The following PARP3 variants were observed in gnomAD, a reference collection of about 807,000 sequenced individuals.
The protein encoded by PARP3 is protein mono-ADP-ribosyltransferase PARP3.
A neutral mutation model predicts 58.2 loss-of-function variants in PARP3; 46 were observed. That is an observed-to-expected ratio of 0.79 (90% CI 0.62 to 1.01). The LOEUF is 1.01. Among genes scored for constraint, PARP3 ranks in the 50% least tolerant of loss-of-function variants. The pLI is 0.00. For missense variants in PARP3, 663 were observed against 683.9 expected, an observed-to-expected ratio of 0.97 and a Z score of 0.34; for synonymous variants, 252 against 266.4, an observed-to-expected ratio of 0.95 and a Z score of 0.53.
In PARP3 at chr3:51,948,314, C is replaced by T. The variant is rs751839575; in HGVS notation, c.1436C>T (p.Pro479Leu). ...VIARGHTEPD[P>L]TQDTELELDG... is the part of the protein sequence containing the mutation. ...TGGCCCTTGCTGTGCCCTGCAGATCCGACCCAGGACACTGAGTTGGAGCTG... is the reference window on the plus strand; with the variant it reads ...TGGCCCTTGCTGTGCCCTGCAGATCTGACCCAGGACACTGAGTTGGAGCTG... Residue 479 changes from proline to leucine, a missense_variant, in exon 11 of 11, where the codon CCG becomes CTG. By Grantham distance (98) the Pro-to-Leu change is moderately conservative (BLOSUM62 -3). This residue lies in a region of PARP3 where 88 missense variants were observed against 109.1 expected (regional missense o/e 0.81). Transcript: ENST00000398755. The T allele has an allele frequency of 2.2e-5, 35 of 1,613,016 alleles. No individual in the cohort carries two copies. The highest frequency in any genetic ancestry group is 5.3e-5 in the African/African-American group (4 of 74,930).
In PARP3 at chr3:51,946,500, G is replaced by A. The variant is rs534082739; in HGVS notation, c.1276+157G>A. 2.0e-4 allele frequency among the ~76,000 whole-genome samples: 31 copies of A among 152,244 alleles called. No homozygotes were observed. The highest frequency in any genetic ancestry group is 5.5e-4 in the African/African-American group (23 of 41,554). On this transcript the variant is annotated intron_variant, in intron 9 of 10. Transcript: ENST00000398755. The surrounding 1 kb of genome is among the most constrained non-coding windows in gnomAD (Gnocchi z 4.6). ...GTGGGCTGTCCTGGGCTTTGGTGGCGGGGGGTCTTAGAGAAAGTGTCTGAT... is the reference window on the plus strand; with the variant it reads ...GTGGGCTGTCCTGGGCTTTGGTGGCAGGGGGTCTTAGAGAAAGTGTCTGAT...
chr3:51,943,115 A>G (rs1255247702), intron 1 of PARP3: 1 of 1,145,548 alleles, frequency 8.7e-7, no homozygotes, highest in Admixed American at 3.0e-5. Flanking sequence ...ACAGAGTCCT[A>G]ACCTTGCACT....
At position 51,944,281 on chromosome 3, in the gene PARP3, TG is replaced by T. The variant is rs1051689448; in HGVS notation, c.312+71del. 3.5e-5 allele frequency: 56 copies of T among 1,608,466 alleles called. No individual in the cohort carries two copies. Among genetic ancestry groups the T allele is most frequent in the Non-Finnish European group, 4.4e-5 (52 of 1,176,790 alleles). On this transcript the variant is annotated intron_variant, in intron 3 of 10. Coordinates refer to ENST00000398755, the MANE Select transcript of PARP3 (RefSeq NM_001003931.4). The surrounding 1 kb of genome is among the most constrained non-coding windows in gnomAD (Gnocchi z 4.2). The stretch of plus-strand genomic sequence containing the variant: ...CCTCAAAAGGCCACAGCTACTGACT[TG>T]GGGGGGCACCTCCCAACTGTCCCAG...
Position 51,944,800 on chromosome 3 carries a change from CTG to C in PARP3, c.527_528del (p.Val176AspfsTer2). The C allele has an allele frequency of 1.2e-6, 2 of 1,612,896 alleles. No homozygotes were observed. Among genetic ancestry groups the C allele is most frequent in the South Asian group, 1.1e-5 (1 of 90,916 alleles). ...CAGGTGGACAGAGGCCCAGTGAGGA[CTG>C]TGACTAAGCGGGTGCAGCCCTGCTC... is the stretch of plus-strand genomic sequence containing the variant. On this transcript the variant is annotated frameshift_variant, in exon 5 of 11. Transcript: ENST00000398755. LOFTEE classifies it high-confidence loss of function. This position sits in a 1 kb window ranked among gnomAD's most constrained non-coding sequence, Gnocchi z 4.2.
In PARP3 at chr3:51,944,257, C is replaced by G; in HGVS notation, c.312+40C>G. On this transcript the variant is annotated intron_variant, in intron 3 of 10. Coordinates refer to ENST00000398755, the MANE Select transcript of PARP3 (RefSeq NM_001003931.4). The surrounding 1 kb of genome is among the most constrained non-coding windows in gnomAD (Gnocchi z 4.2). ...TGCTCTGCACATACTCCCCAGGGTCCTCAAAAGGCCACAGCTACTGACTTG... is the reference window on the plus strand; with the variant it reads ...TGCTCTGCACATACTCCCCAGGGTCGTCAAAAGGCCACAGCTACTGACTTG... 1 of 1,612,748 alleles carries G rather than the reference C, an allele frequency of 6.2e-7. No homozygotes were observed. Among genetic ancestry groups the G allele is most frequent in the East Asian group, 2.2e-5 (1 of 44,864 alleles).
rs1257604696 is a variant in PARP3 at position 51,948,827 on chromosome 3, A to AC, written c.*350dup. The AC allele has an allele frequency of 1.4e-5, 4 of 285,372 alleles. No individual in the cohort carries two copies. Among genetic ancestry groups the AC allele is most frequent in the African/African-American group, 2.1e-5 (1 of 46,544 alleles). The allele number at this position is 285,372 out of a possible 1,614,324, so 17.7% of individuals were successfully genotyped here. On this transcript the variant is annotated 3_prime_UTR_variant, in exon 11 of 11. Coordinates refer to ENST00000398755, the MANE Select transcript of PARP3 (RefSeq NM_001003931.4). ...ACTCAGCATAATGTGCACCGGGTTC[A>AC]CCCATGTTTTCATAAATGACAAGAT...
At chr3:51,947,671 A>G (rs1226610214) in intron 9 of PARP3, 69 bp from the exon 10 acceptor site, 1 of 1,553,086 alleles carries the variant, frequency 6.4e-7, no homozygotes. Flanking sequence ...ACATCGCAGC[A>G]GAGAGGGGCC....
rs374240178 is a variant in PARP3, at chr3:51,943,460, C to G, written c.105C>G (p.Ala35=). 16 of 1,609,826 alleles carry G rather than the reference C, an allele frequency of 9.9e-6. No homozygotes were observed. Among genetic ancestry groups the G allele is most frequent in the Non-Finnish European group, 1.3e-5 (15 of 1,178,736 alleles). ...EEDPFRSTAE[A]LKAIPAEKRI... ...ACCCCTTCCGCTCCACCGCTGAGGC[C>G]CTCAAGGCCATACCCGCAGAGAAGC... The change falls in exon 2 of 11, where the codon GCC becomes GCG. Residue 35 remains alanine, a synonymous_variant. Transcript: ENST00000398755.
chr3:51,944,113 C>G lies in PARP3; in HGVS notation c.208C>G (p.Leu70Val). The change falls in exon 3 of 11, where the codon CTG becomes GTG. Residue 70 changes from leucine (L) to valine (V), a missense_variant. Leu to Val is a conservative substitution (Grantham distance 32). Transcript: ENST00000398755. This position sits in a 1 kb window ranked among gnomAD's most constrained non-coding sequence, Gnocchi z 4.2. ...TQVYEDYNCT[L>V]NQTNIENNNN... ...GGTGTATGAGGACTACAACTGCACC[C>G]TGAACCAGACCAACATCGAGAACAA... The G allele has an allele frequency of 1.2e-6, 2 of 1,613,992 alleles. No individual in the cohort carries two copies. The highest frequency in any genetic ancestry group is 1.7e-6 in the Non-Finnish European group (2 of 1,179,978).
rs774210062 is a variant in PARP3 at position 51,945,553 on chromosome 3, C to T, written c.920C>T (p.Thr307Met). ...ALQAVSEQEK[T>M]VEEVPHPLDR... ...CAGGCAGTCTCTGAGCAGGAGAAGA[C>T]GGTGGAGGAGGTGCCACACCCCCTG... The change falls in exon 7 of 11, where the codon ACG becomes ATG. Residue 307 changes from threonine (T) to methionine (M), a missense_variant. By Grantham distance (81) the Thr-to-Met change is moderately conservative (BLOSUM62 -1). Around this residue, in one of 3 missense-constraint regions of PARP3, gnomAD observed 567 missense variants for 553.6 expected, o/e 1.02. Coordinates refer to ENST00000398755, the MANE Select transcript of PARP3 (RefSeq NM_001003931.4). The T allele has an allele frequency of 4.3e-5, 69 of 1,613,772 alleles. 1 individual carries two copies. Among genetic ancestry groups the T allele is most frequent in the Middle Eastern group, 3.3e-4 (2 of 6,078 alleles).
At chr3:51,943,653 C>T (rs1699598034) in intron 2 of PARP3, 115 bp downstream of exon 2, 8 of 981,434 alleles carry the variant, frequency 8.2e-6, no homozygotes, top group South Asian at 1.5e-5. Flanking sequence ...CCCAGGTAAG[C>T]GCCAGAGCAA....
At position 51,946,840 on chromosome 3, in the gene PARP3, C is replaced by T. The variant is rs1699688944; in HGVS notation, c.1276+497C>T. Among the ~76,000 whole-genome samples the T allele has an allele frequency of 6.6e-6, 1 of 152,216 alleles. No individual in the cohort carries two copies. The highest frequency in any genetic ancestry group is 1.5e-5 in the Non-Finnish European group (1 of 68,038). ...GTGAGGATGTGGCAGGTCAGGGCTT[C>T]CAAACACTTCCTGATACTGGAGCTC... is the stretch of plus-strand genomic sequence containing the variant. On this transcript the variant is annotated intron_variant, in intron 9 of 10. Coordinates refer to ENST00000398755, the MANE Select transcript of PARP3 (RefSeq NM_001003931.4). This position sits in a 1 kb window ranked among gnomAD's most constrained non-coding sequence, Gnocchi z 4.6.
In PARP3 at chr3:51,942,422, C is replaced by T; in HGVS notation, c.-289C>T. 1.7e-6 allele frequency: 1 copy of T among 579,792 alleles called. No individual in the cohort carries two copies. The highest frequency in any genetic ancestry group is 1.9e-5 in the South Asian group (1 of 52,522). 35.9% of individuals were successfully genotyped at this position (579,792 alleles called of 1,614,324 possible). ...GGCCACATGAGCAGCGCTACGGACG[C>T]GACTGCCCCGGCCTTGGATATGCCA... On this transcript the variant is annotated 5_prime_UTR_variant, in exon 1 of 11. Coordinates refer to ENST00000398755, the MANE Select transcript of PARP3 (RefSeq NM_001003931.4).
In PARP3 at chr3:51,945,768, G is replaced by A. The variant is rs1329154960; in HGVS notation, c.1012-85G>A. 7 of 1,520,434 alleles carry A rather than the reference G, an allele frequency of 4.6e-6. No homozygotes were observed. In the African/African-American group the frequency reaches 9.6e-5, roughly 21 times the overall value. The allele number at this position is 1,520,434 out of a possible 1,614,324, so 94.2% of individuals were successfully genotyped here. On this transcript the variant is annotated intron_variant, in intron 7 of 10. Coordinates refer to ENST00000398755, the MANE Select transcript of PARP3 (RefSeq NM_001003931.4). ...CTCTTCCTGTGTCTCCAGGGCCTGA[G>A]GAGGGCTTGGGACTGGGGGAAGAAA...
Position 51,948,362 on chromosome 3 carries a change from C to A in PARP3, c.1484C>A (p.Pro495His). The change falls in exon 11 of 11, where the codon CCC (proline) becomes CAC (histidine). Residue 495 changes from proline (P) to histidine (H), a missense_variant. By Grantham distance (77) the Pro-to-His change is moderately conservative (BLOSUM62 -2). Coordinates refer to ENST00000398755, the MANE Select transcript of PARP3 (RefSeq NM_001003931.4). Reference protein sequence around the residue: ...LELDGQQVVVPQGQPVPCPEF... With the variant: ...LELDGQQVVVHQGQPVPCPEF... ...CTGGATGGCCAGCAAGTGGTGGTGC[C>A]CCAGGGCCAGCCTGTGCCCTGCCCA... 1.2e-6 allele frequency: 2 copies of A among 1,614,026 alleles called. No homozygotes were observed. The highest frequency in any genetic ancestry group is 1.7e-6 in the Non-Finnish European group (2 of 1,179,886).
chr3:51,944,325 C>T lies in PARP3; in HGVS notation c.313-65C>T, dbSNP rs1039739205. 10 of 1,607,464 alleles carry T rather than the reference C, an allele frequency of 6.2e-6. No homozygotes were observed. Among genetic ancestry groups the T allele is most frequent in the South Asian group, 1.1e-5 (1 of 90,160 alleles). ...TGTCCCAGGGCACTCAGCACAGGGC[C>T]TGGCCCGACACACAGGCCAGCAAAT... On this transcript the variant is annotated intron_variant, in intron 3 of 10. Coordinates refer to ENST00000398755, the MANE Select transcript of PARP3 (RefSeq NM_001003931.4). This position sits in a 1 kb window ranked among gnomAD's most constrained non-coding sequence, Gnocchi z 4.2.
rs1350660109 is a variant in PARP3, at chr3:51,942,631, C to T, written c.-80C>T. 2 of 953,592 alleles carry T rather than the reference C, an allele frequency of 2.1e-6. No individual in the cohort carries two copies. Among genetic ancestry groups the T allele is most frequent in the East Asian group, 5.2e-5 (2 of 38,716 alleles). The allele number at this position is 953,592 out of a possible 1,614,324, so 59.1% of individuals were successfully genotyped here. On this transcript the variant is annotated 5_prime_UTR_variant, in exon 1 of 11. Transcript: ENST00000398755. ...CTGAGGCTCATGGAGAGTTGCTAGA[C>T]CTGGGACTGCCCTGGGAGGCGCACA...
intron 9 of PARP3, among the ~76,000 whole-genome samples, chr3:51,947,302 T>G (rs1402038604): frequency 6.6e-6 from 1 of 152,012 alleles, no homozygotes; most frequent in African/African-American, 2.4e-5. Context: ...CCAGAACAGA[T>G]GGGGCTGAAG....
In PARP3 at chr3:51,945,646, T is replaced by C; in HGVS notation, c.1011+2T>C. 1 of 1,613,458 alleles carries C rather than the reference T, an allele frequency of 6.2e-7. No individual in the cohort carries two copies. Among genetic ancestry groups the C allele is most frequent in the Non-Finnish European group, 8.5e-7 (1 of 1,179,894 alleles). On this transcript the variant is annotated splice_donor_variant, in intron 7 of 10. Transcript: ENST00000398755. LOFTEE classifies it high-confidence loss of function. ...GACTCTGGAGCACCTGAGTACAAGG[T>C]GAGTTGGGCCCCACAGAGGGGCCAG...
Sources: allele counts gnomAD v4.1 joint callset (sites outside exome capture counted in the v4.1 genomes callset), GRCh38; gene constraint gnomAD v4.1.1; regional missense constraint gnomAD v4.1.1; non-coding constraint Gnocchi (gnomAD v3.1); transcripts MANE v1.5; gene names NCBI Gene and HGNC (gene_info 2026-07-23, HGNC 2026-07-21).